Variants in STON2 observed in about 807,000 individuals in gnomAD.
STON2 encodes the protein stonin 2, also known as stonin-2.
A neutral mutation model predicts 65.7 loss-of-function variants in STON2; 29 were observed. The ratio of observed to expected loss-of-function variants is 0.44; its 90% confidence interval spans 0.33 to 0.60. The LOEUF (loss-of-function observed/expected upper bound fraction) is 0.60. STON2 is among the 20% of genes least tolerant of loss of function. The pLI, the probability that STON2 is intolerant of heterozygous loss-of-function variation, is 0.03. For missense variants in STON2, 1,054 were observed against 1,118.1 expected, an observed-to-expected ratio of 0.94 and a Z score of 0.82; for synonymous variants, 404 against 414.2, an observed-to-expected ratio of 0.98 and a Z score of 0.30.
chr14:81,271,841 C>A (rs567178377), intron 6 of STON2, among the ~76,000 whole-genome samples: 74 of 152,306 alleles, frequency 4.9e-4, no homozygotes, highest in African/African-American at 1.7e-3. Flanking sequence ...TATACAGATT[C>A]TCTCTTTGAG....
chr14:81,355,646 G>A (rs1419061178), intron 4 of STON2, among the ~76,000 whole-genome samples: 1 of 152,190 alleles, frequency 6.6e-6, no homozygotes, highest in African/African-American at 2.4e-5. Flanking sequence ...GATAAGTGAA[G>A]TTTTTAAAAG....
chr14:81,329,881 A>T (rs927901218), intron 4 of STON2, among the ~76,000 whole-genome samples: 3 of 152,204 alleles, frequency 2.0e-5, no homozygotes, highest in African/African-American at 7.2e-5. Context: ...AAGTACCAAC[A>T]GGTAAGCCTG....
intron 5 of STON2, among the ~76,000 whole-genome samples, chr14:81,282,564 GTATT>G (rs1269806787): frequency 6.6e-6 from 1 of 152,142 alleles, no homozygotes; most frequent in African/African-American, 2.4e-5. Flanking sequence ...AAGTACGTAT[GTATT>G]AGAAAGCTTT....
At chr14:81,340,056 A>G (rs1385134109) in intron 4 of STON2, among the ~76,000 whole-genome samples, 1 of 152,194 alleles carries the variant, frequency 6.6e-6, no homozygotes, top group African/African-American at 2.4e-5. Context: ...CGGGAGGCTG[A>G]GGCAGGAGAA....
At position 81,371,035 on chromosome 14, in the gene STON2, T is replaced by C. The variant is rs897279818; in HGVS notation, c.524A>G (p.Asn175Ser). The change falls in exon 4 of 8, where the codon AAT becomes AGT. Residue 175 changes from asparagine to serine, a missense_variant. Transcript: ENST00000614646. ...GCSYTDLQLI[N>S]AEEQTSGQAS... ...CTGGCCACTCGTCTGCTCCTCAGCA[T>C]TGATGAGCTGCAGATCTGTATACGA... The C allele has an allele frequency of 1.2e-6, 2 of 1,613,442 alleles. No individual in the cohort carries two copies. Among genetic ancestry groups the C allele is most frequent in the Non-Finnish European group, 8.5e-7 (1 of 1,180,004 alleles).
At chr14:81,415,418 T>C (rs534901027) in intron 2 of STON2, among the ~76,000 whole-genome samples, 4 of 152,196 alleles carry the variant, frequency 2.6e-5, no homozygotes, top group Non-Finnish European at 5.9e-5. Context: ...AGACAATTCA[T>C]TGACTCATTC....
intron 5 of STON2, among the ~76,000 whole-genome samples, chr14:81,303,023 T>G (rs1003861984): frequency 4.6e-5 from 7 of 151,838 alleles, no homozygotes; most frequent in Admixed American, 4.6e-4. Context: ...ACTGATTATA[T>G]GGAATGGAGT....
chr14:81,428,982 C>T (rs187786208), intron 1 of STON2, among the ~76,000 whole-genome samples: 1 of 152,290 alleles, frequency 6.6e-6, no homozygotes, highest in African/African-American at 2.4e-5. Flanking sequence ...CTTGAGAATG[C>T]CCTTTCATTC....
chr14:81,378,210 T>C (rs1383524195), intron 3 of STON2, among the ~76,000 whole-genome samples: 7 of 152,152 alleles, frequency 4.6e-5, no homozygotes, highest in Non-Finnish European at 1.0e-4. Context: ...ATATTCTAGA[T>C]ACTAGTCCTT....
intron 5 of STON2, among the ~76,000 whole-genome samples, chr14:81,294,868 A>G (rs933165280): frequency 6.6e-6 from 1 of 152,200 alleles, no homozygotes. Context: ...ATGAAATAAC[A>G]CATGTGAACA....
rs1894186257 is a variant in STON2 at position 81,262,418 on chromosome 14, C to A, written c.*5996G>T. ...TATTTGTTGAGTTGAATTAATCCTG[C>A]CATCTATCCCTTTTTACTATGCAAT... On this transcript the variant is annotated 3_prime_UTR_variant, in exon 8 of 8. Transcript: ENST00000614646. The A allele has an allele frequency of 3.1e-6, 3 of 983,026 alleles. No individual in the cohort carries two copies. In the South Asian group the frequency reaches 1.4e-4, roughly 46 times the overall value. The allele number at this position is 983,026 out of a possible 1,614,324, so 60.9% of individuals were successfully genotyped here.
At chr14:81,427,928 G>A (rs558569598) in intron 1 of STON2, among the ~76,000 whole-genome samples, 6 of 152,218 alleles carry the variant, frequency 3.9e-5, no homozygotes, top group South Asian at 4.1e-4. Flanking sequence ...AGATCTAAGC[G>A]ATTAAGAGAG....
At chr14:81,350,587 G>GA (rs1448829690) in intron 4 of STON2, among the ~76,000 whole-genome samples, 1 of 152,120 alleles carries the variant, frequency 6.6e-6, no homozygotes, top group African/African-American at 2.4e-5. Context: ...GGGAGGCAAG[G>GA]AATGACAAGG....
rs146988761 is a variant in STON2, at chr14:81,371,059, G to A, written c.500C>T (p.Ser167Leu). The stretch of plus-strand genomic sequence containing the variant: ...ATTGATGAGCTGCAGATCTGTATAC[G>A]AACATCCAAAGCTAGGACTGCTGGT... ...EDTSSPSFGCSYTDLQLINAE... is the reference protein window; with the variant it reads ...EDTSSPSFGCLYTDLQLINAE... Residue 167 changes from serine to leucine, a missense_variant, in exon 4 of 8, where the codon TCG becomes TTG. Coordinates refer to ENST00000614646, the MANE Select transcript of STON2 (RefSeq NM_001394390.1). The A allele has an allele frequency of 8.0e-4, 1,292 of 1,613,924 alleles. 14 individuals carry two copies. The highest frequency in any genetic ancestry group is 8.1e-4 in the South Asian group (74 of 91,054).
At position 81,277,919 on chromosome 14, in the gene STON2, C is replaced by T; in HGVS notation, c.1563G>A (p.Glu521=). ...TDTGYLQLYY[E]QGLEKPFREF... ...CACGGAATGGTTTTTCTAGGCCCTG[C>T]TCATAATACAGCTGCAGGTAACCAG... The change falls in exon 6 of 8, where the codon GAG becomes GAA. Residue 521 remains glutamate (E), a synonymous_variant. Transcript: ENST00000614646. 2 of 1,614,212 alleles carry T rather than the reference C, an allele frequency of 1.2e-6. No individual in the cohort carries two copies. The highest frequency in any genetic ancestry group is 2.7e-5 in the African/African-American group (2 of 75,032).
Position 81,262,828 on chromosome 14 carries a change from AT to A in STON2, c.*5585del, listed in dbSNP as rs1894205153. On this transcript the variant is annotated 3_prime_UTR_variant, in exon 8 of 8. Transcript: ENST00000614646. The stretch of plus-strand genomic sequence containing the variant: ...ATGGGAGAATATTACTAATACATAC[AT>A]TTGTTTTCTACATTTGTGGTTGCCT... The A allele has an allele frequency of 1.0e-6, 1 of 985,214 alleles. No individual in the cohort carries two copies. Among genetic ancestry groups the A allele is most frequent in the African/African-American group, 1.7e-5 (1 of 57,356 alleles). 61.0% of individuals were successfully genotyped at this position (985,214 alleles called of 1,614,324 possible). A position where few individuals can be genotyped will look rare whatever the true frequency, so the allele number is the denominator to read the frequency against.
At chr14:81,433,846 T>C (rs529581317) in intron 1 of STON2, among the ~76,000 whole-genome samples, 12 of 152,256 alleles carry the variant, frequency 7.9e-5, no homozygotes, top group Non-Finnish European at 1.8e-4. Flanking sequence ...TTGGCTGTTA[T>C]AAATCACTGA....
At chr14:81,310,142 A>G (rs138026953) in intron 5 of STON2, among the ~76,000 whole-genome samples, 105 of 152,354 alleles carry the variant, frequency 6.9e-4, no homozygotes, top group African/African-American at 2.3e-3. Context: ...TATATTATGA[A>G]AGACAACGGT....
At chr14:81,417,835 G>A (rs1384725004) in intron 2 of STON2, among the ~76,000 whole-genome samples, 2 of 152,296 alleles carry the variant, frequency 1.3e-5, no homozygotes, top group East Asian at 1.9e-4. Context: ...GGGCTGGGAC[G>A]GGGGAAGTTA....
Sources: allele counts gnomAD v4.1 joint callset (sites outside exome capture counted in the v4.1 genomes callset), GRCh38; gene constraint gnomAD v4.1.1; transcripts MANE v1.5; gene names NCBI Gene and HGNC (gene_info 2026-07-23, HGNC 2026-07-21).